ATXN7L1: variants seen among roughly 807,000 people sequenced by gnomAD.
ATXN7L1 encodes the protein ataxin-7-like protein 1.
A neutral mutation model predicts 70.8 loss-of-function variants in ATXN7L1; 15 were observed. The ratio of observed to expected loss-of-function variants is 0.21; its 90% CI spans 0.14 to 0.33. ATXN7L1 has a LOEUF of 0.33. ATXN7L1 is among the 10% of genes least tolerant of loss of function. The pLI, the probability that ATXN7L1 is intolerant of heterozygous loss-of-function variation, is 1.00. For missense variants in ATXN7L1, 975 were observed against 1,097.1 expected (o/e 0.89, Z 1.57); for synonymous variants, 440 against 445.1 (o/e 0.99, Z 0.14).
intron 2 of ATXN7L1, among the ~76,000 whole-genome samples, chr7:105,840,054 T>A (rs79708185): frequency 0.059 from 8,865 of 151,378 alleles, 461 homozygotes; most frequent in East Asian, 0.21. Flanking sequence ...ATCAGAGGAG[T>A]CAGAGGAGAG....
At chr7:105,718,128 C>G (rs1794776513) in intron 3 of ATXN7L1, among the ~76,000 whole-genome samples, 1 of 152,100 alleles carries the variant, frequency 6.6e-6, no homozygotes, top group Non-Finnish European at 1.5e-5. Flanking sequence ...TTTAAAACAA[C>G]AGCAACAATA....
In ATXN7L1 at chr7:105,613,872, G is replaced by A; in HGVS notation, c.2462C>T (p.Ser821Phe). The A allele has an allele frequency of 6.4e-7, 1 of 1,552,008 alleles. No homozygotes were observed. Among genetic ancestry groups the A allele is most frequent in the Non-Finnish European group, 8.7e-7 (1 of 1,147,054 alleles). The change falls in exon 10 of 12, where the codon TCC (serine) becomes TTC (phenylalanine). Residue 821 changes from serine to phenylalanine, a missense_variant. This residue lies in a region of ATXN7L1 where 635 missense variants were observed against 699.4 expected (regional missense o/e 0.91). Coordinates refer to ENST00000419735, the MANE Select transcript of ATXN7L1 (RefSeq NM_020725.2). ...CAGGAGGTCCCTTACCTGCCGAGAG[G>A]AGGTGCTGTTAACGGGATCGGGCAC... ...APVPDPVNST[S>F]SRQVGKNSSL...
At chr7:105,666,113 T>G (rs1473058406) in intron 3 of ATXN7L1, among the ~76,000 whole-genome samples, 1 of 152,208 alleles carries the variant, frequency 6.6e-6, no homozygotes, top group Non-Finnish European at 1.5e-5. Flanking sequence ...GCACCCGCTA[T>G]GGGGTTCTTA....
intron 3 of ATXN7L1, among the ~76,000 whole-genome samples, chr7:105,747,701 ATGGG>A (rs1185434731): frequency 1.3e-5 from 2 of 152,168 alleles, no homozygotes; most frequent in East Asian, 3.8e-4. Context: ...CCCTCACCCT[ATGGG>A]ATCTGATGCG....
rs1038436929 is a variant in ATXN7L1, at chr7:105,624,447, C to G, written c.1203-180G>C. Among the ~76,000 whole-genome samples the G allele has an allele frequency of 5.3e-5, 8 of 152,150 alleles. No individual in the cohort carries two copies. The East Asian group carries it at 9.7e-4, about 18-fold the overall frequency. ...CGGGCAGATGACGAGGTCAGGAGAT[C>G]GAGACCATCCTGGCCAACATGGTGA... On this transcript the variant is annotated intron_variant, in intron 7 of 11. Coordinates refer to ENST00000419735, the MANE Select transcript of ATXN7L1 (RefSeq NM_020725.2).
intron 3 of ATXN7L1, among the ~76,000 whole-genome samples, chr7:105,714,246 C>T (rs1201964992): frequency 6.6e-6 from 1 of 152,224 alleles, no homozygotes; most frequent in Non-Finnish European, 1.5e-5. Flanking sequence ...ATTGCCACCC[C>T]TGCAGGACAC....
chr7:105,715,328 C>T (rs1794410872), intron 3 of ATXN7L1, among the ~76,000 whole-genome samples: 1 of 152,232 alleles, frequency 6.6e-6, no homozygotes, highest in African/African-American at 2.4e-5. Flanking sequence ...TTCACGTGGG[C>T]ATCAAGTGAG....
At chr7:105,647,022 T>G (rs976090253) in intron 4 of ATXN7L1, among the ~76,000 whole-genome samples, 3 of 152,198 alleles carry the variant, frequency 2.0e-5, no homozygotes, top group Non-Finnish European at 4.4e-5. Flanking sequence ...TTCTGATCTG[T>G]TGACTTTTAT....
intron 3 of ATXN7L1, among the ~76,000 whole-genome samples, chr7:105,774,330 G>A (rs1270213449): frequency 6.6e-6 from 1 of 151,176 alleles, no homozygotes; most frequent in Non-Finnish European, 1.5e-5. Context: ...ACAGGATTAG[G>A]GTGTCAGTCA....
chr7:105,702,565 G>C (rs200430661), intron 3 of ATXN7L1, among the ~76,000 whole-genome samples: 7,698 of 147,820 alleles, frequency 0.052, 272 homozygotes, highest in South Asian at 0.15. Context: ...CACACACACA[G>C]ACACACATAC....
chr7:105,844,780 T>C (rs1390685401), intron 2 of ATXN7L1, among the ~76,000 whole-genome samples: 1 of 152,098 alleles, frequency 6.6e-6, no homozygotes, highest in Non-Finnish European at 1.5e-5. Flanking sequence ...AAGGAAAAGG[T>C]AAAACCATCT....
chr7:105,638,410 G>T lies in ATXN7L1; in HGVS notation c.1145C>A (p.Pro382Gln). Residue 382 changes from proline (P) to glutamine (Q), a missense_variant, in exon 7 of 12, where the codon CCA (proline) becomes CAA (glutamine). Around this residue, in one of 5 missense-constraint regions of ATXN7L1, gnomAD observed 635 missense variants for 699.4 expected, o/e 0.91. Coordinates refer to ENST00000419735, the MANE Select transcript of ATXN7L1 (RefSeq NM_020725.2). ...TGCAGGGGATGCAACTTTTGGTTCT[G>T]GCCCAGAGCTCCCTGAAGACCCTAG... ...SLLGSSGSSG[P>Q]EPKVASPAKS... 1 of 1,552,244 alleles carries T rather than the reference G, an allele frequency of 6.4e-7. No individual in the cohort carries two copies. Among genetic ancestry groups the T allele is most frequent in the East Asian group, 2.4e-5 (1 of 40,922 alleles).
At chr7:105,700,486 G>A (rs1194305804) in intron 3 of ATXN7L1, among the ~76,000 whole-genome samples, 1 of 145,230 alleles carries the variant, frequency 6.9e-6, no homozygotes, top group Non-Finnish European at 1.5e-5. Flanking sequence ...TCCAGCCTGG[G>A]TGACAGGGCA....
At position 105,668,500 on chromosome 7, in the gene ATXN7L1, G is replaced by T. The variant is rs533426558; in HGVS notation, c.356-3212C>A. 2.6e-5 allele frequency among the ~76,000 whole-genome samples: 4 copies of T among 152,238 alleles called. No homozygotes were observed. In the East Asian group the frequency reaches 7.7e-4, roughly 29 times the overall value. On this transcript the variant is annotated intron_variant, in intron 3 of 11. Coordinates refer to ENST00000419735, the MANE Select transcript of ATXN7L1 (RefSeq NM_020725.2). The stretch of plus-strand genomic sequence containing the variant: ...GCAACCTCCCTCAAGAGTTTCTCTT[G>T]AGCCTGGGAGAATCAAGGCTGAAGA...
chr7:105,832,434 C>T (rs1019155618), intron 2 of ATXN7L1, among the ~76,000 whole-genome samples: 3 of 152,150 alleles, frequency 2.0e-5, no homozygotes, highest in African/African-American at 2.4e-5. Flanking sequence ...GTGAAGATTA[C>T]GATTTGCTAC....
chr7:105,714,927 G>T (rs1794358400), intron 3 of ATXN7L1, among the ~76,000 whole-genome samples: 1 of 152,080 alleles, frequency 6.6e-6, no homozygotes, highest in Admixed American at 6.6e-5. Context: ...AGCCCCACTG[G>T]ATAACTTCTT....
chr7:105,655,632 G>A (rs2116005146), intron 4 of ATXN7L1, among the ~76,000 whole-genome samples: 1 of 152,280 alleles, frequency 6.6e-6, no homozygotes, highest in East Asian at 1.9e-4. Flanking sequence ...CATCAATCCT[G>A]AGCCTTGGTC....
At chr7:105,672,253 T>C (rs918558027) in intron 3 of ATXN7L1, among the ~76,000 whole-genome samples, 2 of 152,084 alleles carry the variant, frequency 1.3e-5, no homozygotes, top group African/African-American at 2.4e-5. Flanking sequence ...GCCACTGCAC[T>C]CCAGTCTCGG....
At chr7:105,826,167 T>C (rs534954189) in intron 2 of ATXN7L1, among the ~76,000 whole-genome samples, 10 of 152,330 alleles carry the variant, frequency 6.6e-5, no homozygotes, top group Non-Finnish European at 2.9e-5. Flanking sequence ...GGGACTGCTA[T>C]TGAATTAAGT....
Sources: allele counts gnomAD v4.1 joint callset (sites outside exome capture counted in the v4.1 genomes callset), GRCh38; gene constraint gnomAD v4.1.1; regional missense constraint gnomAD v4.1.1; transcripts MANE v1.5; gene names NCBI Gene and HGNC (gene_info 2026-07-23, HGNC 2026-07-21).